APLP2: variants seen among roughly 807,000 people sequenced by gnomAD.
APLP2 encodes amyloid beta precursor like protein 2, also known as CDEI box-binding protein.
A neutral mutation model predicts 89.9 loss-of-function variants in APLP2; 53 were observed. The ratio of observed to expected loss-of-function variants is 0.59; its 90% CI spans 0.47 to 0.74. APLP2 has a LOEUF of 0.74. APLP2 is among the 30% of genes least tolerant of loss of function. The pLI is 0.00. For missense variants in APLP2, 973 were observed against 975.9 expected, an observed-to-expected ratio of 1.00 and a Z score of 0.04; for synonymous variants, 372 against 348.6, an observed-to-expected ratio of 1.07 and a Z score of -0.75.
chr11:130,134,985 G>T (rs1403558669), intron 12 of APLP2, among the ~76,000 whole-genome samples: 1 of 152,128 alleles, frequency 6.6e-6, no homozygotes, highest in African/African-American at 2.4e-5. Flanking sequence ...CAGAGGTCAG[G>T]CAGTAGGTCC....
At chr11:130,129,389 C>T (rs917404312) in intron 10 of APLP2, among the ~76,000 whole-genome samples, 183 bp downstream of exon 10, 2 of 152,212 alleles carry the variant, frequency 1.3e-5, no homozygotes, top group African/African-American at 4.8e-5. Context: ...CTAAGCATGA[C>T]ATCGCTTTAT....
chr11:130,126,735 G>A lies in APLP2; in HGVS notation c.1126G>A (p.Val376Met), dbSNP rs11556490. ...PTPLPTNDVD[V>M]YFETSADDNE... ...TCCTCTGCCAACCAATGATGTTGAT[G>A]TGTATTTCGAGACCTCTGCAGATGA... The change falls in exon 8 of 17, where the codon GTG becomes ATG. Residue 376 changes from valine to methionine, a missense_variant. Physicochemically the swap from Val to Met is conservative, Grantham distance 21. Transcript: ENST00000338167. The A allele has an allele frequency of 6.2e-7, 1 of 1,614,050 alleles. No individual in the cohort carries two copies. Among genetic ancestry groups the A allele is most frequent in the African/African-American group, 1.3e-5 (1 of 74,922 alleles).
intron 1 of APLP2, among the ~76,000 whole-genome samples, chr11:130,079,083 TTTTATTTATTTA>T (rs536291649): frequency 7.7e-6 from 1 of 130,682 alleles, no homozygotes; most frequent in Non-Finnish European, 1.6e-5. Flanking sequence ...CATGTATTTT[TTTTATTTATTTA>T]TTTATTTATT....
intron 3 of APLP2, among the ~76,000 whole-genome samples, chr11:130,114,493 T>C (rs1169215477): frequency 6.6e-6 from 1 of 152,262 alleles, no homozygotes; most frequent in African/African-American, 2.4e-5. Flanking sequence ...GGTATCTACA[T>C]TCATTTGTCT....
chr11:130,135,392 C>T (rs569590918), intron 12 of APLP2, among the ~76,000 whole-genome samples, 171 bp from the exon 13 acceptor site: 2 of 152,154 alleles, frequency 1.3e-5, no homozygotes, highest in Admixed American at 6.5e-5. Flanking sequence ...GTGCCTGGGA[C>T]GGCGCCCTGG....
chr11:130,078,726 C>G (rs1258261851), intron 1 of APLP2, among the ~76,000 whole-genome samples: 1 of 152,032 alleles, frequency 6.6e-6, no homozygotes, highest in African/African-American at 2.4e-5. Flanking sequence ...GTCATCCTTT[C>G]CCTTCTGCTC....
chr11:130,140,384 C>A lies in APLP2; in HGVS notation c.1838-14C>A. On this transcript the variant is annotated splice_polypyrimidine_tract_variant and intron_variant, in intron 13 of 16. Coordinates refer to ENST00000338167, the MANE Select transcript of APLP2 (RefSeq NM_001142276.2). ...CCATCCTTGGGAACTCAGCCATGAT[C>A]TCTCTCCACACAGGATCTGGAGTGG... 6.3e-7 allele frequency: 1 copy of A among 1,589,328 alleles called. No homozygotes were observed. The highest frequency in any genetic ancestry group is 1.1e-5 in the South Asian group (1 of 87,262).
intron 1 of APLP2, among the ~76,000 whole-genome samples, chr11:130,087,693 C>T (rs931203647): frequency 2.6e-5 from 4 of 152,118 alleles, no homozygotes; most frequent in Non-Finnish European, 5.9e-5. Context: ...AATGGCCCTG[C>T]GATTGGTTGG....
At position 130,106,624 on chromosome 11, in the gene APLP2, C is replaced by T. The variant is rs148291838; in HGVS notation, c.106-2805C>T. On this transcript the variant is annotated intron_variant, in intron 1 of 16. Coordinates refer to ENST00000338167, the MANE Select transcript of APLP2 (RefSeq NM_001142276.2). ...TTGCCTCCATATGGGATGCTTAAAG[C>T]GCTACTCAGCTGTCACTCTCTTTAG... Among the ~76,000 whole-genome samples the T allele has an allele frequency of 4.9e-3, 746 of 152,236 alleles. 4 individuals carry two copies. The highest frequency in any genetic ancestry group is 0.011 in the African/African-American group (471 of 41,534).
intron 11 of APLP2, among the ~76,000 whole-genome samples, chr11:130,131,305 G>T (rs765429741): frequency 2.6e-5 from 4 of 152,168 alleles, no homozygotes; most frequent in African/African-American, 4.8e-5. Flanking sequence ...CACCATATTG[G>T]CCAGGCTGGT....
intron 12 of APLP2, among the ~76,000 whole-genome samples, chr11:130,134,559 T>G (rs1447914431): frequency 1.3e-5 from 2 of 152,178 alleles, no homozygotes; most frequent in African/African-American, 4.8e-5. Flanking sequence ...CGTTAGAGGA[T>G]TTTCAGCTAG....
intron 11 of APLP2, among the ~76,000 whole-genome samples, chr11:130,130,872 C>G (rs1950872381): frequency 6.6e-6 from 1 of 152,218 alleles, no homozygotes; most frequent in African/African-American, 2.4e-5. Context: ...AGAAACCCTC[C>G]TTCCCCACAG....
intron 2 of APLP2, among the ~76,000 whole-genome samples, chr11:130,110,304 A>G (rs529803802): frequency 9.2e-5 from 14 of 152,364 alleles, no homozygotes; most frequent in Admixed American, 5.9e-4. Flanking sequence ...CCTTAAATAC[A>G]TATCCCTTTT....
chr11:130,073,479 G>GTT (rs1418466995), intron 1 of APLP2, among the ~76,000 whole-genome samples: 1 of 152,130 alleles, frequency 6.6e-6, no homozygotes, highest in Non-Finnish European at 1.5e-5. Context: ...ATGCTCTTAA[G>GTT]TATTTTTGTT....
chr11:130,072,887 G>A (rs2135304062), intron 1 of APLP2, among the ~76,000 whole-genome samples: 1 of 152,274 alleles, frequency 6.6e-6, no homozygotes, highest in African/African-American at 2.4e-5. Flanking sequence ...ACCATCTAAA[G>A]CCAGGCTTTC....
At chr11:130,088,361 G>T (rs1235066028) in intron 1 of APLP2, among the ~76,000 whole-genome samples, 1 of 152,156 alleles carries the variant, frequency 6.6e-6, no homozygotes, top group African/African-American at 2.4e-5. Context: ...AACTGAAATC[G>T]GGAGTAACAG....
intron 1 of APLP2, among the ~76,000 whole-genome samples, chr11:130,102,999 G>T (rs982364689): frequency 1.3e-5 from 2 of 152,202 alleles, no homozygotes; most frequent in African/African-American, 2.4e-5. Flanking sequence ...AACACATGGG[G>T]CATTAATTTT....
intron 13 of APLP2, 105 bp from the exon 14 acceptor site, chr11:130,140,293 G>A (rs1257928484): frequency 7.9e-6 from 6 of 754,952 alleles, no homozygotes; most frequent in African/African-American, 1.8e-5. Context: ...GGGGAGGTGC[G>A]TGTTGAGGGG....
At chr11:130,119,778 T>A (rs1273390748) in intron 3 of APLP2, among the ~76,000 whole-genome samples, 1 of 152,252 alleles carries the variant, frequency 6.6e-6, no homozygotes, top group Non-Finnish European at 1.5e-5. Context: ...ATCACGACAG[T>A]TCATTTCTAA....
Sources: allele counts gnomAD v4.1 joint callset (sites outside exome capture counted in the v4.1 genomes callset), GRCh38; gene constraint gnomAD v4.1.1; transcripts MANE v1.5; gene names NCBI Gene and HGNC (gene_info 2026-07-23, HGNC 2026-07-21).